Variants in NCOA2 observed in about 807,000 individuals in gnomAD.
The protein encoded by NCOA2 is class E basic helix-loop-helix protein 75.
A neutral mutation model predicts 145.1 loss-of-function variants in NCOA2; 21 were observed. The observed-to-expected ratio is 0.14, with a 90% CI of 0.10 to 0.21. The LOEUF is 0.21. Among genes scored for constraint, NCOA2 ranks in the 10% least tolerant of loss-of-function variants. The pLI is 1.00. For synonymous variants in NCOA2, 619 were observed against 637.5 expected, an observed-to-expected ratio of 0.97 and a Z score of 0.44; for missense variants, 1,472 against 1,837.6, an observed-to-expected ratio of 0.80 and a Z score of 3.64.
chr8:70,393,968 T>A (rs2131663683), intron 1 of NCOA2, among the ~76,000 whole-genome samples: 1 of 152,330 alleles, frequency 6.6e-6, no homozygotes, highest in East Asian at 1.9e-4. Context: ...TTTTTGGTAT[T>A]ACATGTAATA....
At chr8:70,130,357 T>G (rs2131552512) in intron 16 of NCOA2, among the ~76,000 whole-genome samples, 1 of 152,250 alleles carries the variant, frequency 6.6e-6, no homozygotes, top group East Asian at 1.9e-4. Context: ...AAAAACGGAC[T>G]AAAAATATTA....
the NCOA2 span, among the ~76,000 whole-genome samples, chr8:70,445,340 G>C: frequency 6.6e-6 from 1 of 152,170 alleles, no homozygotes; most frequent in Non-Finnish European, 1.5e-5. Flanking sequence ...TAAATTAACT[G>C]TATTTCATTT....
At chr8:70,349,750 A>C (rs1371219058) in intron 1 of NCOA2, among the ~76,000 whole-genome samples, 2 of 152,104 alleles carry the variant, frequency 1.3e-5, no homozygotes, top group Non-Finnish European at 2.9e-5. Flanking sequence ...TTTCTTTACT[A>C]TTCTATTATG....
intron 2 of NCOA2, among the ~76,000 whole-genome samples, chr8:70,224,169 C>A (rs189927245): frequency 2.0e-5 from 3 of 152,322 alleles, no homozygotes; most frequent in African/African-American, 7.2e-5. Flanking sequence ...ATGCTCAGCT[C>A]ATGCACAATT....
chr8:70,121,672 C>A (rs1807838403), intron 21 of NCOA2, among the ~76,000 whole-genome samples: 2 of 152,148 alleles, frequency 1.3e-5, no homozygotes, highest in South Asian at 4.2e-4. Flanking sequence ...AATAATAGAG[C>A]CATTTTTGTG....
At chr8:70,271,061 A>C (rs1825010062) in intron 2 of NCOA2, among the ~76,000 whole-genome samples, 1 of 152,218 alleles carries the variant, frequency 6.6e-6, no homozygotes, top group Non-Finnish European at 1.5e-5. Flanking sequence ...TGTAATATGC[A>C]ATAGAGGGGA....
chr8:70,422,433 T>C, the NCOA2 span, among the ~76,000 whole-genome samples: 1 of 152,000 alleles, frequency 6.6e-6, no homozygotes, highest in African/African-American at 2.4e-5. Flanking sequence ...GTTTTTGTGT[T>C]GGGGTCTCAC....
intron 2 of NCOA2, chr8:70,273,659 A>G (rs1825243193): frequency 8.6e-6 from 6 of 700,304 alleles, no homozygotes; most frequent in Non-Finnish European, 1.6e-5. Flanking sequence ...GCTGACAGAA[A>G]TGCTACCCAG....
intron 4 of NCOA2, among the ~76,000 whole-genome samples, chr8:70,198,972 C>G (rs183184999): frequency 1.8e-3 from 280 of 152,164 alleles, no homozygotes; most frequent in African/African-American, 6.4e-3. Flanking sequence ...GAGGGACTCA[C>G]CGAGTATCTG....
At chr8:70,391,367 G>GA (rs1238699354) in intron 1 of NCOA2, among the ~76,000 whole-genome samples, 1 of 152,124 alleles carries the variant, frequency 6.6e-6, no homozygotes, top group Non-Finnish European at 1.5e-5. Context: ...TCCCAGGAGG[G>GA]AAAAAATATC....
At chr8:70,247,912 C>T (rs1200138792) in intron 2 of NCOA2, among the ~76,000 whole-genome samples, 1 of 152,238 alleles carries the variant, frequency 6.6e-6, no homozygotes, top group Non-Finnish European at 1.5e-5. Flanking sequence ...AGATGTATTG[C>T]TGTTAGCAAA....
At chr8:70,438,618 TAA>T in the NCOA2 span, among the ~76,000 whole-genome samples, 3 of 152,220 alleles carry the variant, frequency 2.0e-5, no homozygotes, top group African/African-American at 4.8e-5. Context: ...GGGAAAATTT[TAA>T]AGAGATTGAC....
chr8:70,243,487 T>G (rs776811304), intron 2 of NCOA2, among the ~76,000 whole-genome samples: 5 of 152,084 alleles, frequency 3.3e-5, no homozygotes, highest in Non-Finnish European at 5.9e-5. Context: ...TCCCATATTG[T>G]TTCATACAGT....
At chr8:70,436,850 G>A in the NCOA2 span, among the ~76,000 whole-genome samples, 7 of 152,330 alleles carry the variant, frequency 4.6e-5, no homozygotes, top group South Asian at 1.5e-3. Flanking sequence ...TATGACCACC[G>A]TTATCTGAAG....
chr8:70,416,108 T>C, the NCOA2 span, among the ~76,000 whole-genome samples: 1 of 151,990 alleles, frequency 6.6e-6, no homozygotes, highest in Non-Finnish European at 1.5e-5. Context: ...AGGGTGGAAA[T>C]TGAAGCAAGA....
intron 1 of NCOA2, among the ~76,000 whole-genome samples, chr8:70,357,872 G>A (rs866583012): frequency 1.3e-5 from 2 of 152,040 alleles, no homozygotes; most frequent in South Asian, 4.2e-4. Flanking sequence ...GCAACATGGT[G>A]AAATCCCATC....
At chr8:70,295,644 A>C (rs1487917379) in intron 2 of NCOA2, among the ~76,000 whole-genome samples, 1 of 152,206 alleles carries the variant, frequency 6.6e-6, no homozygotes, top group East Asian at 1.9e-4. Context: ...TTTCATATCT[A>C]GAAATAAGCT....
intron 4 of NCOA2, among the ~76,000 whole-genome samples, chr8:70,179,067 T>TTA (rs1815181536): frequency 6.6e-6 from 1 of 152,188 alleles, no homozygotes; most frequent in Non-Finnish European, 1.5e-5. Flanking sequence ...CAAATGCTAT[T>TTA]TATATATATT....
At chr8:70,291,882 A>G (rs1053210970) in intron 2 of NCOA2, among the ~76,000 whole-genome samples, 11 of 151,900 alleles carry the variant, frequency 7.2e-5, no homozygotes, top group Non-Finnish European at 7.4e-5. Context: ...GGCGGATCAC[A>G]AGGTCAGTAG....
Sources: allele counts gnomAD v4.1 joint callset (sites outside exome capture counted in the v4.1 genomes callset), GRCh38; gene constraint gnomAD v4.1.1; transcripts MANE v1.5; gene names NCBI Gene and HGNC (gene_info 2026-07-23, HGNC 2026-07-21).